Variants in HEATR1 observed in about 807,000 individuals in gnomAD.
The protein encoded by HEATR1 is HEAT repeat-containing protein 1.
A neutral mutation model predicts 248.2 loss-of-function variants in HEATR1; 77 were observed. That is an observed-to-expected ratio of 0.31 (90% CI 0.26 to 0.37). The LOEUF is 0.37. Ranked by LOEUF, HEATR1 falls within the 10% of genes least tolerant of loss-of-function variation. HEATR1 has a pLI of 1.00. For synonymous variants in HEATR1, 897 were observed against 923.1 expected, an observed-to-expected ratio of 0.97 and a Z score of 0.51; for missense variants, 2,420 against 2,504.9, an observed-to-expected ratio of 0.97 and a Z score of 0.72.
rs76073611 is a variant in HEATR1 at position 236,571,602 on chromosome 1, T to C, written c.3792A>G (p.Gln1264=). 1.2e-6 allele frequency: 2 copies of C among 1,613,978 alleles called. No individual in the cohort carries two copies. Among genetic ancestry groups the C allele is most frequent in the South Asian group, 1.1e-5 (1 of 91,074 alleles). Residue 1264 remains glutamine (Q), a synonymous_variant, in exon 27 of 45, where the codon CAA becomes CAG. Coordinates refer to ENST00000366582, the MANE Select transcript of HEATR1 (RefSeq NM_018072.6). ...TTTTGCCACCATCTGGAGATAGTTT[T>C]TGGCAGATGTTGAGCAGACAACTAA... The part of the protein sequence containing the change: ...LILSCLLNIC[Q]KLSPDGGKIP...
chr1:236,574,359 T>C lies in HEATR1; in HGVS notation c.3328-26A>G, dbSNP rs942019123. On this transcript the variant is annotated intron_variant, in intron 23 of 44. Transcript: ENST00000366582. ...CTAGAGGGGGTAGAAAAAAGGCAAC[T>C]GAGTTCAGTGAACAAGTTTAAATTC... 5 of 1,588,496 alleles carry C rather than the reference T, an allele frequency of 3.1e-6. No individual in the cohort carries two copies. In the African/African-American group the frequency reaches 4.1e-5, roughly 13 times the overall value.
Position 236,594,006 on chromosome 1 carries a change from G to A in HEATR1, c.1193+6C>T, listed in dbSNP as rs1347656829. 1 of 1,549,660 alleles carries A rather than the reference G, an allele frequency of 6.5e-7. No individual in the cohort carries two copies. Among genetic ancestry groups the A allele is most frequent in the East Asian group, 2.3e-5 (1 of 43,246 alleles). On this transcript the variant is annotated splice_donor_region_variant and intron_variant, in intron 9 of 44. Coordinates refer to ENST00000366582, the MANE Select transcript of HEATR1 (RefSeq NM_018072.6). The stretch of plus-strand genomic sequence containing the variant: ...AATCAAAAGCATGTCAAAAATAATA[G>A]CTTACCTAGCCAACAAATGGTCTAA...
chr1:236,572,955 G>T, intron 24 of HEATR1, 127 bp from the exon 25 acceptor site: 2 of 831,318 alleles, frequency 2.4e-6, no homozygotes, highest in Non-Finnish European at 3.9e-6. Context: ...ATATGCATCT[G>T]AACCCCCCCC....
At position 236,555,825 on chromosome 1, in the gene HEATR1, A is replaced by G; in HGVS notation, c.5629T>C (p.Phe1877Leu). Reference sequence around the variant, plus strand: ...CTTACCTCAGAGTGCTGGGCTCGGAAGTCCAGGGCTTCCAGGAAAAAGGCG... The same window carrying G: ...CTTACCTCAGAGTGCTGGGCTCGGAGGTCCAGGGCTTCCAGGAAAAAGGCG... ...LTAFFLEALD[F>L]RAQHSENDLE... is the part of the protein sequence containing the mutation. The change falls in exon 39 of 45, where the codon TTC becomes CTC. Residue 1877 changes from phenylalanine to leucine, a missense_variant. By Grantham distance (22) the Phe-to-Leu change is conservative (BLOSUM62 0). Transcript: ENST00000366582. The G allele has an allele frequency of 6.2e-7, 1 of 1,614,182 alleles. No individual in the cohort carries two copies. Among genetic ancestry groups the G allele is most frequent in the Non-Finnish European group, 8.5e-7 (1 of 1,180,022 alleles).
At chr1:236,566,225 C>A (rs1267014162) in intron 30 of HEATR1, among the ~76,000 whole-genome samples, 180 bp from the exon 31 acceptor site, 2 of 152,166 alleles carry the variant, frequency 1.3e-5, no homozygotes, top group African/African-American at 4.8e-5. Context: ...CTCGACTTAT[C>A]CAAACAGGGC....
At chr1:236,583,394 A>G (rs1319470823) in intron 17 of HEATR1, among the ~76,000 whole-genome samples, 198 bp from the exon 18 acceptor site, 2 of 152,028 alleles carry the variant, frequency 1.3e-5, no homozygotes, top group African/African-American at 2.4e-5. Flanking sequence ...AATTTTATCT[A>G]TGTCTTACCT....
At position 236,555,934 on chromosome 1, in the gene HEATR1, G is replaced by A; in HGVS notation, c.5520C>T (p.His1840=). Residue 1840 remains histidine (H), a synonymous_variant, in exon 39 of 45, where the codon CAC becomes CAT. Transcript: ENST00000366582. The stretch of plus-strand genomic sequence containing the variant: ...GCAAGATGCTCATAAACGGACCCAT[G>A]TGATTCTACCAATAACACAGGAAAG... ...YKQIEKNWKN[H]MGPFMSILQE... 1 of 1,613,632 alleles carries A rather than the reference G, an allele frequency of 6.2e-7. No homozygotes were observed. The highest frequency in any genetic ancestry group is 1.3e-5 in the African/African-American group (1 of 75,062).
intron 33 of HEATR1, 59 bp from the exon 34 acceptor site, chr1:236,559,896 A>T: frequency 1.3e-6 from 2 of 1,501,660 alleles, no homozygotes; most frequent in Non-Finnish European, 1.8e-6. Context: ...GAACTTGTTC[A>T]TGTCTACCTT....
chr1:236,599,347 A>G, intron 4 of HEATR1, 136 bp downstream of exon 4: 2 of 603,848 alleles, frequency 3.3e-6, no homozygotes, highest in Non-Finnish European at 5.5e-6. Context: ...AATAGTTTCA[A>G]TTGGAAGTCA....
intron 37 of HEATR1, among the ~76,000 whole-genome samples, chr1:236,556,537 G>A (rs1662983983): frequency 6.6e-6 from 1 of 152,196 alleles, no homozygotes; most frequent in Admixed American, 6.5e-5. Flanking sequence ...AGGAATGCAA[G>A]GGACCACGGC....
At chr1:236,591,108 G>C (rs1346500081) in intron 11 of HEATR1, among the ~76,000 whole-genome samples, 154 bp from the exon 12 acceptor site, 3 of 140,070 alleles carry the variant, frequency 2.1e-5, no homozygotes, top group Non-Finnish European at 4.7e-5. Context: ...CAAAATCTTT[G>C]TTTCTAGAAC....
At chr1:236,593,590 A>G (rs1479999402) in intron 9 of HEATR1, among the ~76,000 whole-genome samples, 1 of 136,576 alleles carries the variant, frequency 7.3e-6, no homozygotes, top group East Asian at 3.3e-4. Context: ...AAGAGAAAAA[A>G]AAAAAAAAAA....
chr1:236,559,947 T>A, intron 33 of HEATR1, 110 bp from the exon 34 acceptor site: 1 of 1,142,626 alleles, frequency 8.8e-7, no homozygotes, highest in Non-Finnish European at 1.2e-6. Context: ...TAAATAATTC[T>A]GTACTAAATT....
In HEATR1 at chr1:236,566,820, T is replaced by C. The variant is rs1558181339; in HGVS notation, c.4134A>G (p.Lys1378=). 3 of 1,613,906 alleles carry C rather than the reference T, an allele frequency of 1.9e-6. No homozygotes were observed. Among genetic ancestry groups the C allele is most frequent in the East Asian group, 2.2e-5 (1 of 44,870 alleles). The change falls in exon 30 of 45, where the codon AAA becomes AAG. Residue 1378 remains lysine (K), a synonymous_variant. Coordinates refer to ENST00000366582, the MANE Select transcript of HEATR1 (RefSeq NM_018072.6). The part of the protein sequence containing the change: ...VSRNVEEIVV[K]IISVFVDALP... ...GCGCATCCACAAATACACTAATGAT[T>C]TTTACCACAATCTCTTCAACGTTTC...
In HEATR1 at chr1:236,581,433, A is replaced by C; in HGVS notation, c.2563-19T>G. ...GATGCACCTAATTAAAAAAAAAAAA[A>C]AGCAAACTTTTAATTCTTACTCAAA... On this transcript the variant is annotated intron_variant, in intron 19 of 44. Transcript: ENST00000366582. The C allele has an allele frequency of 6.9e-7, 1 of 1,440,862 alleles. No homozygotes were observed. The highest frequency in any genetic ancestry group is 1.4e-5 in the South Asian group (1 of 70,102). 89.3% of individuals were successfully genotyped at this position (1,440,862 alleles called of 1,614,324 possible). A position where few individuals can be genotyped will look rare whatever the true frequency, so the allele number is the denominator to read the frequency against.
chr1:236,557,884 T>C (rs1010590617), intron 36 of HEATR1, among the ~76,000 whole-genome samples: 5 of 152,252 alleles, frequency 3.3e-5, no homozygotes, highest in African/African-American at 1.2e-4. Context: ...TGCAAAGTAG[T>C]GCATCTGAAG....
In HEATR1 at chr1:236,592,534, A is replaced by G; in HGVS notation, c.1293T>C (p.Leu431=). 7.3e-7 allele frequency: 1 copy of G among 1,373,956 alleles called. No homozygotes were observed. The highest frequency in any genetic ancestry group is 1.0e-6 in the Non-Finnish European group (1 of 965,904). The allele number at this position is 1,373,956 out of a possible 1,614,324, so 85.1% of individuals were successfully genotyped here. A position where few individuals can be genotyped will look rare whatever the true frequency, so the allele number is the denominator to read the frequency against. ...LNEQFLPLIR[L]LESKYPRTLD... is the part of the protein sequence containing the mutation. ...CACACGTAACTTACTTGCTTTCTAA[A>G]AGCCTAATGAGTGGAAGAAATTGTT... Residue 431 remains leucine (L), a synonymous_variant, in exon 10 of 45, where the codon CTT becomes CTC. Coordinates refer to ENST00000366582, the MANE Select transcript of HEATR1 (RefSeq NM_018072.6).
In HEATR1 at chr1:236,572,525, T is replaced by G; in HGVS notation, c.3593A>C (p.Glu1198Ala). 6.2e-7 allele frequency: 1 copy of G among 1,614,046 alleles called. No individual in the cohort carries two copies. The highest frequency in any genetic ancestry group is 8.5e-7 in the Non-Finnish European group (1 of 1,179,956). ...TCTTTGCCAGTAAGAACCTCCAACT[T>G]CCTGAACAGATTCTAGATCTTGTGA... ...KKSQDLESVQ[E>A]VGGSYWQRVT... is the part of the protein sequence containing the mutation. The change falls in exon 26 of 45, where the codon GAA becomes GCA. Residue 1198 changes from glutamate to alanine, a missense_variant. Transcript: ENST00000366582.
intron 17 of HEATR1, among the ~76,000 whole-genome samples, chr1:236,584,773 A>G (rs1663840455): frequency 6.6e-6 from 1 of 152,228 alleles, no homozygotes; most frequent in Non-Finnish European, 1.5e-5. Context: ...AAAGACAATA[A>G]AAGAGAGGAG....
Sources: gnomAD v4.1 joint callset for allele counts (sites outside exome capture counted in the v4.1 genomes callset) on GRCh38, gnomAD v4.1.1 for gene constraint, MANE v1.5 for transcripts, NCBI Gene and HGNC (gene_info 2026-07-23, HGNC 2026-07-21) for gene names.